The following SBDS variants were observed in gnomAD, a reference collection of about 807,000 sequenced individuals.
SBDS encodes the protein SBDS ribosome maturation factor, also known as ribosome maturation protein SBDS.
SBDS carries 20 observed loss-of-function variants against 26.4 expected under a neutral mutation model. That is an observed-to-expected ratio of 0.76 (90% CI 0.53 to 1.10). The LOEUF is 1.10. SBDS is among the 50% of genes least tolerant of loss of function. SBDS has a pLI of 0.00. For missense variants in SBDS, 241 were observed against 302.0 expected, an observed-to-expected ratio of 0.80 and a Z score of 1.50; for synonymous variants, 95 against 105.1, an observed-to-expected ratio of 0.90 and a Z score of 0.59.
At position 66,995,574 on chromosome 7, in the gene SBDS, T is replaced by A. The variant is rs971186617; in HGVS notation, c.-157A>T. On this transcript the variant is annotated 5_prime_UTR_variant, in exon 1 of 5. Transcript: ENST00000246868. ...GCGACTCACTAGCTTCAGGCAGCCG[T>A]CACAGTGTGTCTGGCAGGCTTACTT... The A allele has an allele frequency of 1.9e-6, 2 of 1,047,650 alleles. No homozygotes were observed. The highest frequency in any genetic ancestry group is 2.8e-6 in the Non-Finnish European group (2 of 708,930). 64.9% of individuals were successfully genotyped at this position (1,047,650 alleles called of 1,614,324 possible).
At chr7:66,994,458 T>C in intron 1 of SBDS, 117 bp from the exon 2 acceptor site, 1 of 932,264 alleles carries the variant, frequency 1.1e-6, no homozygotes. Flanking sequence ...ATCCCCCTGA[T>C]GACCTTTAGT....
intron 4 of SBDS, among the ~76,000 whole-genome samples, chr7:66,990,253 G>C (rs1382998321): frequency 6.6e-6 from 1 of 151,996 alleles, no homozygotes; most frequent in African/African-American, 2.4e-5. Flanking sequence ...CCCGACCTCA[G>C]GTGATCCACC....
At chr7:66,991,941 G>A (rs1792984581) in intron 3 of SBDS, among the ~76,000 whole-genome samples, 1 of 152,184 alleles carries the variant, frequency 6.6e-6, no homozygotes, top group Non-Finnish European at 1.5e-5. Flanking sequence ...TGGAGAAACT[G>A]AACTCTTAAA....
At position 66,995,511 on chromosome 7, in the gene SBDS, G is replaced by A. The variant is rs1051189433; in HGVS notation, c.-94C>T. The stretch of plus-strand genomic sequence containing the variant: ...CAGCGCCTCGCGGTAACGACCGATC[G>A]GCGCGCGGCACTGACCCAACCACCA... On this transcript the variant is annotated 5_prime_UTR_variant, in exon 1 of 5. Transcript: ENST00000246868. 3.8e-6 allele frequency: 6 copies of A among 1,589,676 alleles called. No homozygotes were observed. The highest frequency in any genetic ancestry group is 1.1e-5 in the South Asian group (1 of 90,112).
chr7:66,989,775 C>T (rs1284724889), intron 4 of SBDS, among the ~76,000 whole-genome samples: 2 of 152,166 alleles, frequency 1.3e-5, no homozygotes, highest in African/African-American at 4.8e-5. Context: ...TATCAGGCTT[C>T]TAGGGATTCC....
Position 66,994,673 on chromosome 7 carries a change from T to C in SBDS, c.129-332A>G, listed in dbSNP as rs192997969. Among the ~76,000 whole-genome samples, 9 of 152,312 alleles carry C rather than the reference T, an allele frequency of 5.9e-5. No homozygotes were observed. The East Asian group carries it at 1.7e-3, about 29-fold the overall frequency. On this transcript the variant is annotated intron_variant, in intron 1 of 4. Coordinates refer to ENST00000246868, the MANE Select transcript of SBDS (RefSeq NM_016038.4). The stretch of plus-strand genomic sequence containing the variant: ...CCACACCCGGCTAACTTTGTATTTT[T>C]AGTAGAGATGGGGTTTCATGTTGGC...
intron 4 of SBDS, among the ~76,000 whole-genome samples, chr7:66,989,939 G>A (rs1247845720): frequency 6.6e-6 from 1 of 151,728 alleles, no homozygotes; most frequent in Non-Finnish European, 1.5e-5. Flanking sequence ...AACCAGACGC[G>A]ACTATCCTGC....
chr7:66,990,827 T>C lies in SBDS; in HGVS notation c.624+310A>G, dbSNP rs145959022. Reference sequence around the variant, plus strand: ...GTCAGGAGATCAAGACCGTCCTGGCTAACACGGTGAAACTCCGTCTCTACT... The same window carrying C: ...GTCAGGAGATCAAGACCGTCCTGGCCAACACGGTGAAACTCCGTCTCTACT... On this transcript the variant is annotated intron_variant, in intron 4 of 4. Transcript: ENST00000246868. 6.3e-3 allele frequency among the ~76,000 whole-genome samples: 951 copies of C among 152,102 alleles called. 10 individuals carry two copies. Among genetic ancestry groups the C allele is most frequent in the Middle Eastern group, 0.01 (3 of 294 alleles).
At chr7:66,993,073 A>G in intron 3 of SBDS, 144 bp downstream of exon 3, 1 of 807,084 alleles carries the variant, frequency 1.2e-6, no homozygotes, top group Non-Finnish European at 2.1e-6. Context: ...CCAGGCCTCA[A>G]GCAATCCTCC....
At chr7:66,993,840 C>T (rs186354099) in intron 2 of SBDS, among the ~76,000 whole-genome samples, 2 of 151,820 alleles carry the variant, frequency 1.3e-5, no homozygotes, top group African/African-American at 2.4e-5. Context: ...GTGAAGTGCA[C>T]TGCACTCCAG....
At chr7:66,991,930 G>A (rs1792984194) in intron 3 of SBDS, among the ~76,000 whole-genome samples, 1 of 152,208 alleles carries the variant, frequency 6.6e-6, no homozygotes, top group Admixed American at 6.5e-5. Flanking sequence ...TACTGAGGAT[G>A]TGGAGAAACT....
At chr7:66,992,791 T>C (rs865860168) in intron 3 of SBDS, among the ~76,000 whole-genome samples, 1 of 151,916 alleles carries the variant, frequency 6.6e-6, no homozygotes, top group African/African-American at 2.4e-5. Context: ...ACGGATCACC[T>C]AGGGTCAGGA....
At chr7:66,992,722 T>G (rs1792999726) in intron 3 of SBDS, among the ~76,000 whole-genome samples, 1 of 151,990 alleles carries the variant, frequency 6.6e-6, no homozygotes, top group African/African-American at 2.4e-5. Flanking sequence ...TTAAAAAATT[T>G]AGAGGTAGGG....
intron 4 of SBDS, among the ~76,000 whole-genome samples, chr7:66,990,650 A>G (rs1168970114): frequency 1.3e-5 from 2 of 152,218 alleles, no homozygotes; most frequent in Non-Finnish European, 2.9e-5. Flanking sequence ...TACGCATAAT[A>G]TATGACAAAA....
At chr7:66,991,028 A>G in intron 4 of SBDS, 109 bp downstream of exon 4, 1 of 1,088,508 alleles carries the variant, frequency 9.2e-7, no homozygotes, top group South Asian at 1.5e-5. Context: ...AAAAAAAAAA[A>G]GAAAAGAAAA....
chr7:66,994,153 T>C lies in SBDS; in HGVS notation c.258+59A>G, dbSNP rs181692878. On this transcript the variant is annotated intron_variant, in intron 2 of 4. Coordinates refer to ENST00000246868, the MANE Select transcript of SBDS (RefSeq NM_016038.4). The stretch of plus-strand genomic sequence containing the variant: ...GAAAAACAGCCTTTAATGTTTAATA[T>C]ATCTACAAATACGTTATAAATGGTT... 98 of 1,570,484 alleles carry C rather than the reference T, an allele frequency of 6.2e-5. 1 individual carries two copies. The African/African-American group carries it at 1.0e-3, about 16-fold the overall frequency.
rs1584437592 is a variant in SBDS, at chr7:66,994,303, A to G, written c.167T>C (p.Val56Ala). 6.2e-7 allele frequency: 1 copy of G among 1,614,096 alleles called. No individual in the cohort carries two copies. Reference sequence around the variant, plus strand: ...CTGACCTTTAGAAACATTTACAAACACTGAGTGGGTCTGCAGAACTTCATC... The same window carrying G: ...CTGACCTTTAGAAACATTTACAAACGCTGAGTGGGTCTGCAGAACTTCATC... ...DLDEVLQTHS[V>A]FVNVSKGQVA... The change falls in exon 2 of 5, where the codon GTG (valine) becomes GCG (alanine). Residue 56 changes from valine to alanine, a missense_variant. Coordinates refer to ENST00000246868, the MANE Select transcript of SBDS (RefSeq NM_016038.4).
At chr7:66,990,399 A>T (rs1792950399) in intron 4 of SBDS, among the ~76,000 whole-genome samples, 1 of 152,122 alleles carries the variant, frequency 6.6e-6, no homozygotes, top group Non-Finnish European at 1.5e-5. Context: ...TTTTTTTATG[A>T]TTTCAACATT....
At chr7:66,990,414 T>C (rs1792950738) in intron 4 of SBDS, among the ~76,000 whole-genome samples, 1 of 152,166 alleles carries the variant, frequency 6.6e-6, no homozygotes, top group African/African-American at 2.4e-5. Context: ...AACATTGGGA[T>C]TGTGGCATTT....
Sources: allele counts gnomAD v4.1 joint callset (sites outside exome capture counted in the v4.1 genomes callset), GRCh38; gene constraint gnomAD v4.1.1; transcripts MANE v1.5; gene names NCBI Gene and HGNC (gene_info 2026-07-23, HGNC 2026-07-21).